Variants in SLCO2A1 observed in about 807,000 individuals in gnomAD.
The protein encoded by SLCO2A1 is solute carrier organic anion transporter family member 2A1, also known as matrin F/G 1.
A neutral mutation model predicts 71.7 loss-of-function variants in SLCO2A1; 60 were observed. That is an observed-to-expected ratio of 0.84 (90% confidence interval 0.68 to 1.04). SLCO2A1 has a LOEUF of 1.04. SLCO2A1 is among the 50% of genes least tolerant of loss of function. The probability of loss-of-function intolerance (pLI) is 0.00; values close to 1 mark genes in which losing one functional copy is unlikely to be tolerated. For synonymous variants in SLCO2A1, 308 were observed against 326.7 expected (o/e 0.94, Z 0.62); for missense variants, 745 against 813.4 (o/e 0.92, Z 1.02).
intron 1 of SLCO2A1, among the ~76,000 whole-genome samples, chr3:133,983,210 AC>A (rs1934633427): frequency 6.6e-6 from 1 of 151,914 alleles, no homozygotes; most frequent in Non-Finnish European, 1.5e-5. Flanking sequence ...CTCCCTTGAG[AC>A]CCTTAGTACC....
intron 1 of SLCO2A1, among the ~76,000 whole-genome samples, chr3:134,002,758 C>T (rs555705379): frequency 1.2e-4 from 19 of 152,188 alleles, no homozygotes; most frequent in East Asian, 5.8e-4. Context: ...CTCCAGGCAC[C>T]GTACTTTAAG....
chr3:133,965,145 C>A (rs1297206815), intron 3 of SLCO2A1, among the ~76,000 whole-genome samples: 1 of 152,180 alleles, frequency 6.6e-6, no homozygotes, highest in Non-Finnish European at 1.5e-5. Context: ...AAACCGTTAG[C>A]GGAGCCAACA....
At chr3:134,026,237 T>C (rs1014042895) in intron 1 of SLCO2A1, among the ~76,000 whole-genome samples, 2 of 152,082 alleles carry the variant, frequency 1.3e-5, no homozygotes, top group South Asian at 2.1e-4. Flanking sequence ...AAAACAGTCA[T>C]TTGGTGGAGT....
Position 134,029,903 on chromosome 3 carries a change from A to G in SLCO2A1, c.-101T>C. ...AGGCGACCGCGGCGGCAGTGGCCGG[A>G]GGAGATTCGCGGAGCGGAGACTGAG... On this transcript the variant is annotated 5_prime_UTR_variant, in exon 1 of 14. Coordinates refer to ENST00000310926, the MANE Select transcript of SLCO2A1 (RefSeq NM_005630.3). 1.8e-6 allele frequency: 1 copy of G among 559,178 alleles called. No individual in the cohort carries two copies. The allele number at this position is 559,178 out of a possible 1,614,324, so 34.6% of individuals were successfully genotyped here.
At chr3:134,020,844 G>A (rs1398017852) in intron 1 of SLCO2A1, among the ~76,000 whole-genome samples, 1 of 151,462 alleles carries the variant, frequency 6.6e-6, no homozygotes, top group African/African-American at 2.4e-5. Context: ...GACAGGACTG[G>A]TCGTGAGAAC....
chr3:133,953,859 A>G, intron 4 of SLCO2A1, 98 bp from the exon 5 acceptor site: 1 of 880,712 alleles, frequency 1.1e-6, no homozygotes, highest in Non-Finnish European at 1.9e-6. Context: ...ATATCACTTC[A>G]TCTGTTCCCA....
chr3:134,002,350 C>A (rs1031352286), intron 1 of SLCO2A1, among the ~76,000 whole-genome samples: 2 of 152,190 alleles, frequency 1.3e-5, no homozygotes, highest in African/African-American at 4.8e-5. Flanking sequence ...TCAGTTTTTG[C>A]CCCAGGCCAC....
At chr3:133,942,895 C>A (rs1363662033) in intron 10 of SLCO2A1, 127 bp from the exon 11 acceptor site, 1 of 1,016,684 alleles carries the variant, frequency 9.8e-7, no homozygotes, top group East Asian at 3.0e-5. Flanking sequence ...GGGTCTGGTT[C>A]CCAGGGAAGC....
chr3:133,946,596 T>C (rs1271938980), intron 9 of SLCO2A1, among the ~76,000 whole-genome samples: 5 of 152,226 alleles, frequency 3.3e-5, no homozygotes, highest in Non-Finnish European at 5.9e-5. Flanking sequence ...GAAACTGAAA[T>C]TCTAGCCAGC....
At chr3:133,990,234 G>C (rs1934809449) in intron 1 of SLCO2A1, among the ~76,000 whole-genome samples, 1 of 152,220 alleles carries the variant, frequency 6.6e-6, no homozygotes, top group Admixed American at 6.5e-5. Context: ...CCACCCTGCT[G>C]AAATTATTGA....
At chr3:133,984,018 G>A (rs1934653999) in intron 1 of SLCO2A1, among the ~76,000 whole-genome samples, 1 of 152,184 alleles carries the variant, frequency 6.6e-6, no homozygotes, top group Admixed American at 6.5e-5. Context: ...GAGAGCATAA[G>A]GAGATCAAGG....
intron 1 of SLCO2A1, among the ~76,000 whole-genome samples, chr3:134,003,910 GAC>G (rs968273045): frequency 5.3e-5 from 8 of 152,172 alleles, no homozygotes; most frequent in Non-Finnish European, 8.8e-5. Flanking sequence ...GAGGTTGAGA[GAC>G]AGACAGAAGG....
intron 1 of SLCO2A1, among the ~76,000 whole-genome samples, chr3:133,980,361 TG>T (rs5852772): frequency 0.13 from 20,504 of 152,268 alleles, 1,526 homozygotes; most frequent in Non-Finnish European, 0.18. Flanking sequence ...TACCTGGTCC[TG>T]GGGTACTGAG....
chr3:133,964,177 C>T (rs1239228725), intron 3 of SLCO2A1, among the ~76,000 whole-genome samples: 1 of 152,162 alleles, frequency 6.6e-6, no homozygotes, highest in East Asian at 1.9e-4. Context: ...GTCTGGGGCA[C>T]ATTGTGGGGC....
intron 1 of SLCO2A1, among the ~76,000 whole-genome samples, chr3:134,020,171 A>G (rs537431850): frequency 6.6e-6 from 1 of 152,224 alleles, no homozygotes; most frequent in East Asian, 1.9e-4. Flanking sequence ...TGACCCGCTC[A>G]TGTGCACCCC....
At chr3:133,950,822 A>T in intron 6 of SLCO2A1, 1 of 287,424 alleles carries the variant, frequency 3.5e-6, no homozygotes, top group Non-Finnish European at 6.7e-6. Context: ...CTTCCTACTC[A>T]GTTTTTCAGG....
At chr3:134,027,869 G>C (rs2108082943) in intron 1 of SLCO2A1, among the ~76,000 whole-genome samples, 1 of 152,338 alleles carries the variant, frequency 6.6e-6, no homozygotes, top group East Asian at 1.9e-4. Flanking sequence ...CTGATAAGTG[G>C]AGTTAAATGG....
At chr3:133,982,191 G>A (rs1409065751) in intron 1 of SLCO2A1, among the ~76,000 whole-genome samples, 2 of 152,148 alleles carry the variant, frequency 1.3e-5, no homozygotes, top group Non-Finnish European at 2.9e-5. Flanking sequence ...AAGCTCACTT[G>A]AACCCAGATT....
At chr3:133,956,063 G>C (rs1471268484) in intron 3 of SLCO2A1, among the ~76,000 whole-genome samples, 1 of 152,180 alleles carries the variant, frequency 6.6e-6, no homozygotes, top group African/African-American at 2.4e-5. Flanking sequence ...AGCTCTCCAA[G>C]GCCTTAGGGG....
Sources: allele counts gnomAD v4.1 joint callset (sites outside exome capture counted in the v4.1 genomes callset), GRCh38; gene constraint gnomAD v4.1.1; transcripts MANE v1.5; gene names NCBI Gene and HGNC (gene_info 2026-07-23, HGNC 2026-07-21).